Variants in ODAD3 observed in about 807,000 individuals in gnomAD.
The protein encoded by ODAD3 is outer dynein arm-docking complex subunit 3.
A neutral mutation model predicts 70.9 loss-of-function variants in ODAD3; 57 were observed. That is an observed-to-expected ratio of 0.80 (90% CI 0.65 to 1.00). The LOEUF (loss-of-function observed/expected upper bound fraction) is 1.00, where lower values mean the gene tolerates loss of function less well. ODAD3 is among the 50% of genes least tolerant of loss of function. ODAD3 has a pLI of 0.00. For missense variants in ODAD3, 797 were observed against 763.9 expected (o/e 1.04, Z -0.51); for synonymous variants, 327 against 315.9 (o/e 1.04, Z -0.37).
rs1476133344 is a variant in ODAD3, at chr19:11,425,694, AACT to A, written c.963+447_963+449del. Among the ~76,000 whole-genome samples the A allele has an allele frequency of 1.5e-4, 20 of 135,080 alleles. 1 individual carries two copies. The highest frequency in any genetic ancestry group is 5.5e-4 in the African/African-American group (15 of 27,316). 88.6% of individuals were successfully genotyped at this position (135,080 alleles called of 152,430 possible). A position where few individuals can be genotyped will look rare whatever the true frequency, so the allele number is the denominator to read the frequency against. Reference sequence around the variant, plus strand: ...ATGCAAAAAAAACCTATCAAACAACAACTACAACAACAACAACCCAAAAAACAA... The same window carrying A: ...ATGCAAAAAAAACCTATCAAACAACAACAACAACAACAACCCAAAAAACAA... On this transcript the variant is annotated intron_variant, in intron 7 of 12. Coordinates refer to ENST00000356392, the MANE Select transcript of ODAD3 (RefSeq NM_145045.5).
Position 11,422,843 on chromosome 19 carries a change from G to T in ODAD3, c.1135C>A (p.Leu379Met). 1 of 1,601,708 alleles carries T rather than the reference G, an allele frequency of 6.2e-7. No homozygotes were observed. Residue 379 changes from leucine to methionine, a missense_variant, in exon 9 of 13, where the codon CTG becomes ATG. Leu to Met is a conservative substitution (Grantham distance 15). Transcript: ENST00000356392. The surrounding 1 kb of genome is among the most constrained non-coding windows in gnomAD (Gnocchi z 4.6). Reference sequence around the variant, plus strand: ...TGCGCGAAGGTGTCGCCCTGGGCCAGGAACCGCCGCACCAACGACTGCGGG... The same window carrying T: ...TGCGCGAAGGTGTCGCCCTGGGCCATGAACCGCCGCACCAACGACTGCGGG... Reference protein sequence around the residue: ...DETHSLVRRFLAQGDTFAQLE... With the variant: ...DETHSLVRRFMAQGDTFAQLE...
At chr19:11,425,327 A>ACATATGTGTATATGTG in intron 7 of ODAD3, among the ~76,000 whole-genome samples, 2 of 136,174 alleles carry the variant, frequency 1.5e-5, no homozygotes, top group African/African-American at 6.2e-5. Flanking sequence ...GTGTATATGT[A>ACATATGTGTATATGTG]CATATGTGTA....
At chr19:11,423,530 C>A (rs1401077133) in intron 8 of ODAD3, among the ~76,000 whole-genome samples, 1 of 152,190 alleles carries the variant, frequency 6.6e-6, no homozygotes, top group Non-Finnish European at 1.5e-5. Context: ...GGGTCCCAGA[C>A]CATGTTACAG....
intron 3 of ODAD3, among the ~76,000 whole-genome samples, chr19:11,428,616 A>G (rs538092728): frequency 1.2e-3 from 179 of 152,170 alleles, no homozygotes; most frequent in African/African-American, 4.1e-3. Flanking sequence ...TGGCACGAAC[A>G]TGACTCACTG....
At chr19:11,427,321 G>C (rs1969403739) in intron 3 of ODAD3, among the ~76,000 whole-genome samples, 1 of 150,244 alleles carries the variant, frequency 6.7e-6, no homozygotes, top group South Asian at 2.1e-4. Flanking sequence ...TTTAGACGGA[G>C]TCTTGCTCTG....
intron 10 of ODAD3, 114 bp from the exon 11 acceptor site, chr19:11,421,946 G>C: frequency 8.3e-7 from 1 of 1,203,214 alleles, no homozygotes; most frequent in Non-Finnish European, 1.1e-6. Context: ...GGGCCCACCT[G>C]CAGGGTCGAT....
Position 11,423,895 on chromosome 19 carries a change from A to G in ODAD3, c.1098T>C (p.Thr366=). The G allele has an allele frequency of 6.2e-7, 1 of 1,611,926 alleles. No homozygotes were observed. Among genetic ancestry groups the G allele is most frequent in the Non-Finnish European group, 8.5e-7 (1 of 1,179,616 alleles). ...EVIFGKVKDA[T]GTDETHSLVR... Reference sequence around the variant, plus strand: ...AACTCACGTGCGTCTCGTCAGTGCCAGTGGCGTCCTTGACCTTGCCAAAGA... The same window carrying G: ...AACTCACGTGCGTCTCGTCAGTGCCGGTGGCGTCCTTGACCTTGCCAAAGA... The change falls in exon 8 of 13, where the codon ACT becomes ACC. Residue 366 remains threonine, a synonymous_variant. Transcript: ENST00000356392.
chr19:11,430,902 G>A lies in ODAD3; in HGVS notation c.363C>T (p.Leu121=). 6.2e-7 allele frequency: 1 copy of A among 1,614,048 alleles called. No homozygotes were observed. Among genetic ancestry groups the A allele is most frequent in the Non-Finnish European group, 8.5e-7 (1 of 1,180,006 alleles). ...CACCCACCCCTTTGCCCCTTACCTT[G>A]AGCAGGTCCAGCAGCTTTAGTTCCA... ...KALELKLLDL[L]KGDEKVVQAV... Residue 121 remains leucine (L), a synonymous_variant, in exon 2 of 13, where the codon CTC becomes CTT. Transcript: ENST00000356392.
rs779761748 is a variant in ODAD3 at position 11,430,968 on chromosome 19, G to A, written c.297C>T (p.Asn99=). The change falls in exon 2 of 13, where the codon AAC becomes AAT. Residue 99 remains asparagine (N), a synonymous_variant. Transcript: ENST00000356392. ...TGCGGAGCTGACTGATGGTCTCCTG[G>A]TTCTTCTTGATGTTCCACTGAGAGC... ...FESSQWNIKK[N]QETISQLRKE... 8.7e-6 allele frequency: 14 copies of A among 1,613,922 alleles called. No homozygotes were observed. The highest frequency in any genetic ancestry group is 5.5e-5 in the South Asian group (5 of 91,068).
In ODAD3 at chr19:11,425,267, G is replaced by GTA. The variant is rs1326136963; in HGVS notation, c.963+875_963+876dup. 3.0e-5 allele frequency among the ~76,000 whole-genome samples: 4 copies of GTA among 134,026 alleles called. 1 individual carries two copies. Among genetic ancestry groups the GTA allele is most frequent in the African/African-American group, 1.4e-4 (4 of 28,966 alleles). 87.9% of individuals were successfully genotyped at this position (134,026 alleles called of 152,430 possible). On this transcript the variant is annotated intron_variant, in intron 7 of 12. Transcript: ENST00000356392. ...TGTATATATGTATATGTACATATGTGTATATGTGTGTATATGTACATATGT... is the reference window on the plus strand; with the variant it reads ...TGTATATATGTATATGTACATATGTGTATATATGTGTGTATATGTACATATGT...
chr19:11,424,550 C>A (rs1328362778), intron 7 of ODAD3, among the ~76,000 whole-genome samples: 1 of 122,342 alleles, frequency 8.2e-6, no homozygotes, highest in African/African-American at 3.2e-5. Flanking sequence ...TGTATATATA[C>A]CTATGTGTAT....
At chr19:11,425,388 C>CATGTGT (rs1969316670) in intron 7 of ODAD3, among the ~76,000 whole-genome samples, 1 of 113,664 alleles carries the variant, frequency 8.8e-6, no homozygotes, top group East Asian at 2.9e-4. Flanking sequence ...TGTGTATGTA[C>CATGTGT]ATATGTGTAT....
chr19:11,428,812 G>A (rs1387038665), intron 3 of ODAD3, among the ~76,000 whole-genome samples: 1 of 152,158 alleles, frequency 6.6e-6, no homozygotes, highest in Non-Finnish European at 1.5e-5. Flanking sequence ...GCCTCCCAAA[G>A]TGCTGGTATT....
chr19:11,424,488 A>G (rs1013897872), intron 7 of ODAD3, among the ~76,000 whole-genome samples: 12 of 147,212 alleles, frequency 8.2e-5, no homozygotes, highest in African/African-American at 1.5e-4. Flanking sequence ...GTCTCAAAAA[A>G]AAATCCATAT....
At chr19:11,435,679 T>TGGATACTGACCTTTGCTCCGGC, upstream of ODAD3, 1 of 1,304,786 alleles carries the variant, frequency 7.7e-7, no homozygotes, top group Non-Finnish European at 1.0e-6. Context: ...AGGGGTGCGG[T>TGGATACTGACCTTTGCTCCGGC]GGATACTGAC....
In ODAD3 at chr19:11,426,556, A is replaced by C; in HGVS notation, c.730T>G (p.Leu244Val). 2 of 1,613,986 alleles carry C rather than the reference A, an allele frequency of 1.2e-6. No homozygotes were observed. The highest frequency in any genetic ancestry group is 1.7e-5 in the Admixed American group (1 of 59,998). The change falls in exon 6 of 13, where the codon TTG becomes GTG. Residue 244 changes from leucine to valine, a missense_variant. Leu to Val is a conservative substitution (Grantham distance 32). Transcript: ENST00000356392. ...TCCATGGAGTCCAGCCGGTTCTCCA[A>C]GTTGAGGCTCTCGTCCTGGGGCGTG... The part of the protein sequence containing the change: ...KAYLMDESLN[L>V]ENRLDSMEAE...
rs1969370787 is a variant in ODAD3, at chr19:11,426,237, C to G, written c.870G>C (p.Leu290Phe). Residue 290 changes from leucine (L) to phenylalanine (F), a missense_variant, in exon 7 of 13, where the codon TTG becomes TTC. Transcript: ENST00000356392. ...GTTCCCGCTTCTTGCGCTCTCGAAC[C>G]AAGGTCTCCTCTAGGTACTGCAGCT... ...KNQLQYLEETLVRERKKRERY... is the reference protein window; with the variant it reads ...KNQLQYLEETFVRERKKRERY... The G allele has an allele frequency of 6.2e-7, 1 of 1,613,824 alleles. No homozygotes were observed.
intron 3 of ODAD3, 28 bp downstream of exon 3, chr19:11,430,671 G>A: frequency 6.2e-7 from 1 of 1,612,730 alleles, no homozygotes; most frequent in Non-Finnish European, 8.5e-7. Flanking sequence ...TGGAAATGAA[G>A]GAGGAGGTGG....
At position 11,421,221 on chromosome 19, in the gene ODAD3, G is replaced by T; in HGVS notation, c.1591-9C>A. 1.2e-6 allele frequency: 2 copies of T among 1,610,846 alleles called. No individual in the cohort carries two copies. The highest frequency in any genetic ancestry group is 1.7e-6 in the Non-Finnish European group (2 of 1,178,704). ...TCTAAGCTGGCGAGGAACTAAGCGG[G>T]GATGGGAAGCGAGAGAGGAAGGTGG... On this transcript the variant is annotated splice_polypyrimidine_tract_variant and intron_variant, in intron 11 of 12. Coordinates refer to ENST00000356392, the MANE Select transcript of ODAD3 (RefSeq NM_145045.5).
Sources: allele counts gnomAD v4.1 joint callset (sites outside exome capture counted in the v4.1 genomes callset), GRCh38; gene constraint gnomAD v4.1.1; non-coding constraint Gnocchi (gnomAD v3.1); transcripts MANE v1.5; gene names NCBI Gene and HGNC (gene_info 2026-07-23, HGNC 2026-07-21).